Variants in USP47 observed in about 807,000 individuals in gnomAD.
USP47 encodes the protein ubiquitin specific peptidase 47.
In USP47, 35 loss-of-function variants were observed where a neutral mutation model predicts 165.1. That is an observed-to-expected ratio of 0.21 (90% confidence interval 0.16 to 0.28). The LOEUF (loss-of-function observed/expected upper bound fraction) is 0.28, where lower values mean the gene tolerates loss of function less well. Ranked by LOEUF, USP47 falls within the 10% of genes least tolerant of loss-of-function variation. The pLI is 1.00. For missense variants in USP47, 1,277 were observed against 1,607.4 expected, an observed-to-expected ratio of 0.79 and a Z score of 3.52; for synonymous variants, 531 against 544.5, an observed-to-expected ratio of 0.98 and a Z score of 0.35.
chr11:11,924,680 G>A (rs1854104169), intron 11 of USP47, among the ~76,000 whole-genome samples: 1 of 152,110 alleles, frequency 6.6e-6, no homozygotes, highest in African/African-American at 2.4e-5. Context: ...GTGAGTTCTG[G>A]TGGTTTGTGA....
In USP47 at chr11:11,920,447, T is replaced by C; in HGVS notation, c.1171T>C (p.Phe391Leu). 1.2e-6 allele frequency: 2 copies of C among 1,611,168 alleles called. No individual in the cohort carries two copies. The highest frequency in any genetic ancestry group is 1.7e-6 in the Non-Finnish European group (2 of 1,178,288). Residue 391 changes from phenylalanine (F) to leucine (L), a missense_variant, in exon 10 of 28, where the codon TTT (phenylalanine) becomes CTT (leucine). Around this residue, in one of 4 missense-constraint regions of USP47, gnomAD observed 175 missense variants for 295.8 expected, o/e 0.59. Transcript: ENST00000527733. The part of the protein sequence containing the change: ...HRIKLNDRMT[F>L]PEELDMSTFI... ...GATTAAACTGAATGATCGAATGACA[T>C]TTCCCGAGGAACTAGATATGAGTAC... is the stretch of plus-strand genomic sequence containing the variant.
At chr11:11,851,126 G>C (rs768891668) in intron 1 of USP47, among the ~76,000 whole-genome samples, 1 of 152,170 alleles carries the variant, frequency 6.6e-6, no homozygotes, top group East Asian at 1.9e-4. Flanking sequence ...TGTTTTCCCA[G>C]ACAAAATTTC....
intron 11 of USP47, among the ~76,000 whole-genome samples, chr11:11,927,458 T>C (rs1854335612): frequency 1.3e-5 from 2 of 152,268 alleles, no homozygotes; most frequent in South Asian, 4.1e-4. Context: ...TTTTGTACTA[T>C]AATGACAGAG....
At position 11,914,026 on chromosome 11, in the gene USP47, T is replaced by C. The variant is rs1360111689; in HGVS notation, c.970-6130T>C. 2.0e-5 allele frequency among the ~76,000 whole-genome samples: 3 copies of C among 152,232 alleles called. No homozygotes were observed. The East Asian group carries it at 5.8e-4, about 29-fold the overall frequency. Reference sequence around the variant, plus strand: ...TCCAGCAAGATTTTTTGAGGACATATACAAGCTTATTCCAAAATGTATATG... The same window carrying C: ...TCCAGCAAGATTTTTTGAGGACATACACAAGCTTATTCCAAAATGTATATG... On this transcript the variant is annotated intron_variant, in intron 8 of 27. Coordinates refer to ENST00000527733, the MANE Select transcript of USP47 (RefSeq NM_001282659.2).
At chr11:11,941,739 A>C (rs1006626696) in intron 19 of USP47, among the ~76,000 whole-genome samples, 2 of 152,084 alleles carry the variant, frequency 1.3e-5, no homozygotes, top group African/African-American at 4.8e-5. Context: ...ATTACATTAT[A>C]TACCTAAGAA....
At chr11:11,953,266 G>A (rs987102497) in intron 25 of USP47, among the ~76,000 whole-genome samples, 9 of 152,188 alleles carry the variant, frequency 5.9e-5, no homozygotes, top group Non-Finnish European at 1.2e-4. Flanking sequence ...TGCATTTTAA[G>A]ATGGGATATC....
At position 11,920,161 on chromosome 11, in the gene USP47, A is replaced by G; in HGVS notation, c.975A>G (p.Glu325=). 3 of 1,578,568 alleles carry G rather than the reference A, an allele frequency of 1.9e-6. No homozygotes were observed. In the South Asian group the frequency reaches 3.6e-5, roughly 19 times the overall value. ...ACAAATTTTTTTCTAACTAGGAAGA[A>G]GCATTGCATGCATTTATTCAGCCAG... The part of the protein sequence containing the change: ...GSSQAFASVE[E]ALHAFIQPEI... Residue 325 remains glutamate, a synonymous_variant, in exon 9 of 28, where the codon GAA becomes GAG. Transcript: ENST00000527733.
chr11:11,892,017 C>G lies in USP47; in HGVS notation c.407C>G (p.Pro136Arg), dbSNP rs772669461. 3 of 1,613,840 alleles carry G rather than the reference C, an allele frequency of 1.9e-6. No homozygotes were observed. The highest frequency in any genetic ancestry group is 2.5e-6 in the Non-Finnish European group (3 of 1,179,866). ...EDSVHDRFIG[P>R]LPREGSGGST... is the part of the protein sequence containing the mutation. The stretch of plus-strand genomic sequence containing the variant: ...AGTGTTCATGACAGGTTTATAGGTC[C>G]GCTTCCAAGAGAAGGTTCTGGGGGT... The change falls in exon 4 of 28, where the codon CCG becomes CGG. Residue 136 changes from proline (P) to arginine (R), a missense_variant. By Grantham distance (103) the Pro-to-Arg change is moderately radical. Coordinates refer to ENST00000527733, the MANE Select transcript of USP47 (RefSeq NM_001282659.2).
chr11:11,928,888 A>G (rs1457754947), intron 11 of USP47, among the ~76,000 whole-genome samples: 1 of 151,846 alleles, frequency 6.6e-6, no homozygotes, highest in Non-Finnish European at 1.5e-5. Flanking sequence ...AGGAAGCTAA[A>G]GAAATAATAT....
intron 1 of USP47, among the ~76,000 whole-genome samples, chr11:11,873,173 G>A (rs1225453165): frequency 1.3e-5 from 2 of 152,130 alleles, no homozygotes; most frequent in African/African-American, 4.8e-5. Context: ...CGCCTTTCAA[G>A]AGAATATGTT....
At chr11:11,953,109 A>G (rs1856330586) in intron 25 of USP47, among the ~76,000 whole-genome samples, 1 of 152,164 alleles carries the variant, frequency 6.6e-6, no homozygotes, top group South Asian at 2.1e-4. Context: ...CTGGCCATTC[A>G]GAAGTGGATC....
At chr11:11,910,848 C>T (rs1297509798) in intron 8 of USP47, among the ~76,000 whole-genome samples, 1 of 152,058 alleles carries the variant, frequency 6.6e-6, no homozygotes, top group Non-Finnish European at 1.5e-5. Context: ...CCCAAATGTC[C>T]AGGTTTCAAT....
chr11:11,910,344 A>G (rs1354773203), intron 8 of USP47, among the ~76,000 whole-genome samples: 1 of 152,148 alleles, frequency 6.6e-6, no homozygotes, highest in Non-Finnish European at 1.5e-5. Context: ...GGAAACAGCA[A>G]TGGGTACAGA....
chr11:11,883,198 GC>G (rs1210464250), intron 2 of USP47, among the ~76,000 whole-genome samples: 2 of 152,276 alleles, frequency 1.3e-5, no homozygotes, highest in East Asian at 3.9e-4. Flanking sequence ...GCTGCTTTTA[GC>G]TTCAGGTTTT....
At chr11:11,916,434 T>G (rs1436148162) in intron 8 of USP47, among the ~76,000 whole-genome samples, 1 of 152,116 alleles carries the variant, frequency 6.6e-6, no homozygotes, top group Non-Finnish European at 1.5e-5. Flanking sequence ...CAAAACCTGG[T>G]ATCCAAAAAC....
chr11:11,909,729 G>C (rs1020139507), intron 8 of USP47, among the ~76,000 whole-genome samples: 1 of 152,022 alleles, frequency 6.6e-6, no homozygotes, highest in African/African-American at 2.4e-5. Flanking sequence ...GTTTGATCAG[G>C]GTTTAGCTGC....
At chr11:11,877,771 C>T (rs1414120462) in intron 1 of USP47, among the ~76,000 whole-genome samples, 2 of 135,454 alleles carry the variant, frequency 1.5e-5, no homozygotes, top group East Asian at 2.0e-4. Context: ...TAGCCTTTCT[C>T]TCTCTCTCTC....
Position 11,842,227 on chromosome 11 carries a change from G to C in USP47, c.39+3G>C, listed in dbSNP as rs1188126633. The C allele has an allele frequency of 1.3e-6, 2 of 1,552,864 alleles. No individual in the cohort carries two copies. Among genetic ancestry groups the C allele is most frequent in the Admixed American group, 2.0e-5 (1 of 51,066 alleles). ...AGAACCAACTGGTCCCGAAAGAGGT[G>C]AGGGGCCCCAGAGGAGGTTAGGCCT... On this transcript the variant is annotated splice_donor_region_variant and intron_variant, in intron 1 of 27. Transcript: ENST00000527733.
intron 1 of USP47, among the ~76,000 whole-genome samples, chr11:11,847,727 T>G (rs1848506553): frequency 6.6e-6 from 1 of 152,234 alleles, no homozygotes; most frequent in African/African-American, 2.4e-5. Flanking sequence ...GTGTAGCCTT[T>G]CTAATTGGTC....
Sources: gnomAD v4.1 joint callset for allele counts (sites outside exome capture counted in the v4.1 genomes callset) on GRCh38, gnomAD v4.1.1 for gene constraint, gnomAD v4.1.1 regional missense constraint, MANE v1.5 for transcripts, NCBI Gene and HGNC (gene_info 2026-07-23, HGNC 2026-07-21) for gene names.